CCDC91: variants seen among roughly 807,000 people sequenced by gnomAD.
CCDC91 encodes coiled-coil domain containing 91, also known as coiled-coil domain-containing protein 91.
Under a neutral mutation model 63.2 loss-of-function variants are expected in CCDC91, and 48 were observed. The observed-to-expected ratio is 0.76, with a 90% confidence interval of 0.60 to 0.97. The LOEUF is 0.97. CCDC91 is among the 50% of genes least tolerant of loss of function. The pLI, the probability that CCDC91 is intolerant of heterozygous loss-of-function variation, is 0.00. For synonymous variants in CCDC91, 167 were observed against 165.8 expected, an observed-to-expected ratio of 1.01 and a Z score of -0.06; for missense variants, 500 against 494.6, an observed-to-expected ratio of 1.01 and a Z score of -0.10.
intron 8 of CCDC91, among the ~76,000 whole-genome samples, chr12:28,436,382 A>G (rs1049085916): frequency 2.0e-5 from 3 of 151,874 alleles, no homozygotes; most frequent in African/African-American, 4.8e-5. Flanking sequence ...TTATAATAAC[A>G]TAATGATTCA....
At chr12:28,451,524 G>GT (rs1220690453) in intron 10 of CCDC91, among the ~76,000 whole-genome samples, 3 of 151,582 alleles carry the variant, frequency 2.0e-5, no homozygotes, top group African/African-American at 7.2e-5. Context: ...ACTCGTATCT[G>GT]TTTTCCAATA....
At chr12:28,376,468 A>C (rs1406633665) in intron 7 of CCDC91, among the ~76,000 whole-genome samples, 8 of 151,832 alleles carry the variant, frequency 5.3e-5, no homozygotes, top group Non-Finnish European at 1.0e-4. Flanking sequence ...TCCTACGTCA[A>C]GATTAAAAAA....
At chr12:28,367,564 T>C (rs994711486) in intron 7 of CCDC91, among the ~76,000 whole-genome samples, 1 of 152,166 alleles carries the variant, frequency 6.6e-6, no homozygotes, top group African/African-American at 2.4e-5. Flanking sequence ...AGGCAAAACT[T>C]AAAAACATTC....
intron 1 of CCDC91, chr12:28,191,403 C>T (rs1941231181): frequency 1.3e-5 from 2 of 152,230 alleles, no homozygotes; most frequent in Admixed American, 6.5e-5. Context: ...GCTCGATTTC[C>T]TGGAGGGTAA....
intron 3 of CCDC91, among the ~76,000 whole-genome samples, chr12:28,270,527 C>A (rs1406590205): frequency 3.3e-5 from 5 of 152,088 alleles, no homozygotes; most frequent in Non-Finnish European, 7.4e-5. Context: ...TGTAAATCAA[C>A]TGTTACTTTT....
chr12:28,367,925 G>A (rs893411571), intron 7 of CCDC91, among the ~76,000 whole-genome samples: 1 of 152,142 alleles, frequency 6.6e-6, no homozygotes, highest in Non-Finnish European at 1.5e-5. Flanking sequence ...AACAGGAAAG[G>A]ATTCTGCCAA....
intron 6 of CCDC91, among the ~76,000 whole-genome samples, chr12:28,323,755 T>C (rs1289780529): frequency 6.6e-6 from 1 of 151,912 alleles, no homozygotes; most frequent in African/African-American, 2.4e-5. Flanking sequence ...TATAAATAGG[T>C]CTTTGCCAAA....
At chr12:28,528,909 C>T (rs1240944028) in intron 12 of CCDC91, among the ~76,000 whole-genome samples, 1 of 152,028 alleles carries the variant, frequency 6.6e-6, no homozygotes, top group African/African-American at 2.4e-5. Flanking sequence ...ACTATGCATC[C>T]ATTAAAAGAA....
At chr12:28,538,916 C>T (rs1337120132) in intron 12 of CCDC91, among the ~76,000 whole-genome samples, 4 of 152,188 alleles carry the variant, frequency 2.6e-5, no homozygotes, top group Admixed American at 6.5e-5. Context: ...TTTTGAGAAG[C>T]GTCTGTTGAC....
intron 10 of CCDC91, 138 bp downstream of exon 10, chr12:28,450,556 T>C: frequency 1.6e-6 from 1 of 621,400 alleles, no homozygotes. Flanking sequence ...ACTTTTAAAC[T>C]TAAGATATGA....
intron 8 of CCDC91, among the ~76,000 whole-genome samples, chr12:28,432,558 CAATT>C (rs1204091698): frequency 2.0e-5 from 3 of 152,058 alleles, no homozygotes; most frequent in Non-Finnish European, 2.9e-5. Flanking sequence ...AACTGTGAAT[CAATT>C]AAACCTTGGT....
intron 8 of CCDC91, among the ~76,000 whole-genome samples, chr12:28,411,557 C>A (rs1286761618): frequency 6.6e-6 from 1 of 152,140 alleles, no homozygotes. Context: ...TCTCTTCCTT[C>A]CCTAAAGCAC....
intron 1 of CCDC91, among the ~76,000 whole-genome samples, chr12:28,216,456 T>C (rs1259191740): frequency 3.3e-5 from 5 of 152,180 alleles, no homozygotes; most frequent in African/African-American, 7.2e-5. Context: ...AATTCAGTTA[T>C]GCTACCGAGA....
At chr12:28,233,077 A>G (rs1018085632) in intron 1 of CCDC91, among the ~76,000 whole-genome samples, 1 of 152,108 alleles carries the variant, frequency 6.6e-6, no homozygotes, top group African/African-American at 2.4e-5. Flanking sequence ...CCCTCCATTA[A>G]AAAAATTAAT....
chr12:28,537,103 A>T (rs1344556078), intron 12 of CCDC91, among the ~76,000 whole-genome samples: 1 of 152,084 alleles, frequency 6.6e-6, no homozygotes, highest in African/African-American at 2.4e-5. Context: ...TTGTGGCAAC[A>T]TTTCATTGCT....
chr12:28,200,848 C>T (rs1376268205), intron 1 of CCDC91, among the ~76,000 whole-genome samples: 12 of 151,736 alleles, frequency 7.9e-5, no homozygotes, highest in East Asian at 2.0e-4. Context: ...CCAGTAGGGG[C>T]GGCTGGGCAG....
intron 3 of CCDC91, among the ~76,000 whole-genome samples, chr12:28,266,628 T>C (rs185514070): frequency 4.6e-5 from 7 of 152,136 alleles, no homozygotes; most frequent in African/African-American, 1.7e-4. Flanking sequence ...ACTGTTCACA[T>C]TGCTTTTTCT....
chr12:28,456,890 T>G (rs1354309524), intron 11 of CCDC91, among the ~76,000 whole-genome samples: 1 of 152,128 alleles, frequency 6.6e-6, no homozygotes, highest in African/African-American at 2.4e-5. Flanking sequence ...AGCATATAGT[T>G]GTTATTTAAA....
chr12:28,505,252 A>G (rs575901626), intron 12 of CCDC91: 5 of 152,004 alleles, frequency 3.3e-5, no homozygotes, highest in South Asian at 2.1e-4. Flanking sequence ...TGGGAAAGAA[A>G]AGATTTTTGT....
Sources: allele counts gnomAD v4.1 joint callset (sites outside exome capture counted in the v4.1 genomes callset), GRCh38; gene constraint gnomAD v4.1.1; transcripts MANE v1.5; gene names NCBI Gene and HGNC (gene_info 2026-07-23, HGNC 2026-07-21).